PSTPIP2: variants seen among roughly 807,000 people sequenced by gnomAD.
The protein encoded by PSTPIP2 is proline-serine-threonine phosphatase interacting protein 2, also known as proline-serine-threonine phosphatase-interacting protein 2.
PSTPIP2 carries 33 observed loss-of-function variants against 63.3 expected under a neutral mutation model. That is an observed-to-expected ratio of 0.52 (90% CI 0.40 to 0.70). PSTPIP2 has a LOEUF of 0.70. PSTPIP2 is among the 30% of genes least tolerant of loss of function. The probability of loss-of-function intolerance (pLI) is 0.00; values close to 1 mark genes in which losing one functional copy is unlikely to be tolerated. For synonymous variants in PSTPIP2, 125 were observed against 132.7 expected, an observed-to-expected ratio of 0.94 and a Z score of 0.40; for missense variants, 312 against 400.7, an observed-to-expected ratio of 0.78 and a Z score of 1.89.
intron 6 of PSTPIP2, among the ~76,000 whole-genome samples, chr18:46,004,576 A>G (rs1264423635): frequency 6.6e-6 from 1 of 152,242 alleles, no homozygotes; most frequent in Non-Finnish European, 1.5e-5. Context: ...AAAATTGCAA[A>G]TTCTATAAGA....
In PSTPIP2 at chr18:46,017,873, C is replaced by T. The variant is rs538158104; in HGVS notation, c.213-1936G>A. Among the ~76,000 whole-genome samples, 11 of 152,100 alleles carry T rather than the reference C, an allele frequency of 7.2e-5. No homozygotes were observed. The South Asian group carries it at 1.9e-3, about 26-fold the overall frequency. On this transcript the variant is annotated intron_variant, in intron 3 of 14. Transcript: ENST00000409746. ...ATCTCCTGAACTTATTCCTCCTAAC[C>T]GAAATTTTGTATCCTTTGATCAACA...
intron 3 of PSTPIP2, among the ~76,000 whole-genome samples, chr18:46,020,387 G>T (rs1380559643): frequency 6.6e-6 from 1 of 152,202 alleles, no homozygotes; most frequent in Non-Finnish European, 1.5e-5. Flanking sequence ...GGGCGCGGTA[G>T]CTCACGCCTG....
At chr18:46,021,587 T>G (rs1003574905) in intron 3 of PSTPIP2, among the ~76,000 whole-genome samples, 2 of 151,626 alleles carry the variant, frequency 1.3e-5, no homozygotes, top group African/African-American at 4.8e-5. Flanking sequence ...ACTCACACTT[T>G]TAAAATCCAT....
intron 5 of PSTPIP2, among the ~76,000 whole-genome samples, chr18:46,006,149 G>A (rs563005512): frequency 2.6e-5 from 4 of 151,870 alleles, no homozygotes; most frequent in South Asian, 4.2e-4. Flanking sequence ...TGCCTCCTGG[G>A]TTCAAGCAAT....
chr18:46,015,558 C>T (rs994470260), intron 4 of PSTPIP2, among the ~76,000 whole-genome samples: 3 of 152,100 alleles, frequency 2.0e-5, no homozygotes, highest in South Asian at 2.1e-4. Flanking sequence ...CTTGGGAACA[C>T]GAGAGACATG....
rs368078173 is a variant in PSTPIP2, at chr18:45,993,707, C to T, written c.643-4G>A. The T allele has an allele frequency of 3.7e-6, 6 of 1,612,560 alleles. No individual in the cohort carries two copies. In the African/African-American group the frequency reaches 8.0e-5, roughly 22 times the overall value. On this transcript the variant is annotated splice_region_variant and splice_polypyrimidine_tract_variant and intron_variant, in intron 9 of 14. Coordinates refer to ENST00000409746, the MANE Select transcript of PSTPIP2 (RefSeq NM_024430.4). Reference sequence around the variant, plus strand: ...CACATTCTTGAGCCTCAAATGCCTACAGAAAAATAGCTACGTGTACATAGA... The same window carrying T: ...CACATTCTTGAGCCTCAAATGCCTATAGAAAAATAGCTACGTGTACATAGA...
intron 14 of PSTPIP2, among the ~76,000 whole-genome samples, 198 bp downstream of exon 14, chr18:45,988,504 G>A (rs1330790724): frequency 1.3e-5 from 2 of 150,474 alleles, no homozygotes; most frequent in East Asian, 4.0e-4. Flanking sequence ...ATTCAAATAG[G>A]TATGGAGGGG....
intron 9 of PSTPIP2, among the ~76,000 whole-genome samples, chr18:45,995,050 GTTTGT>G (rs894438516): frequency 6.7e-6 from 1 of 149,080 alleles, no homozygotes; most frequent in Non-Finnish European, 1.5e-5. Flanking sequence ...CCTATGCAGG[GTTTGT>G]TTTGTTTTGT....
intron 6 of PSTPIP2, among the ~76,000 whole-genome samples, chr18:46,003,436 T>G (rs758004013): frequency 6.6e-6 from 1 of 152,200 alleles, no homozygotes; most frequent in Non-Finnish European, 1.5e-5. Context: ...TTTGCTGATG[T>G]GTGGAGGTGG....
chr18:45,983,643 C>G lies in PSTPIP2; in HGVS notation c.*1816G>C, dbSNP rs1413461991. On this transcript the variant is annotated 3_prime_UTR_variant, in exon 15 of 15. Coordinates refer to ENST00000409746, the MANE Select transcript of PSTPIP2 (RefSeq NM_024430.4). Reference sequence around the variant, plus strand: ...TTTACATCAACTACACTGACCAATACAGAGAAAAGGGAAATCCCTGAGGAA... The same window carrying G: ...TTTACATCAACTACACTGACCAATAGAGAGAAAAGGGAAATCCCTGAGGAA... 2 of 152,108 alleles carry G rather than the reference C, an allele frequency of 1.3e-5. No individual in the cohort carries two copies. Among genetic ancestry groups the G allele is most frequent in the African/African-American group, 2.4e-5 (1 of 41,430 alleles). The allele number at this position is 152,108 out of a possible 1,614,324, so 9.4% of individuals were successfully genotyped here.
intron 5 of PSTPIP2, among the ~76,000 whole-genome samples, chr18:46,008,135 T>C (rs2051751032): frequency 6.6e-6 from 1 of 152,016 alleles, no homozygotes; most frequent in Non-Finnish European, 1.5e-5. Flanking sequence ...GTTTTATTAC[T>C]GATAACACAA....
intron 2 of PSTPIP2, among the ~76,000 whole-genome samples, chr18:46,034,826 A>G (rs1277110708): frequency 6.6e-6 from 1 of 152,208 alleles, no homozygotes; most frequent in Non-Finnish European, 1.5e-5. Context: ...TTTTTATGAG[A>G]ATTAAATAAT....
chr18:46,040,362 T>C (rs9957804), intron 1 of PSTPIP2: 27,415 of 235,874 alleles, frequency 0.12, 2,234 homozygotes, highest in East Asian at 0.44. Flanking sequence ...TGGTTCCCTA[T>C]AGAAACAAAG....
intron 10 of PSTPIP2, among the ~76,000 whole-genome samples, chr18:45,992,698 G>A (rs2051550154): frequency 6.6e-6 from 1 of 151,668 alleles, no homozygotes; most frequent in Non-Finnish European, 1.5e-5. Context: ...ATGCACATCT[G>A]CTATTAATTT....
intron 1 of PSTPIP2, among the ~76,000 whole-genome samples, chr18:46,068,684 T>C (rs1485990259): frequency 6.6e-6 from 1 of 151,798 alleles, no homozygotes; most frequent in South Asian, 2.1e-4. Context: ...CTGGCCAACA[T>C]AGCAAGACCC....
At chr18:45,996,808 G>T (rs2051600261) in intron 9 of PSTPIP2, among the ~76,000 whole-genome samples, 1 of 152,028 alleles carries the variant, frequency 6.6e-6, no homozygotes, top group Admixed American at 6.6e-5. Flanking sequence ...AAGGCGTGGT[G>T]GTGCACGCCT....
chr18:46,059,541 G>A (rs941070099), intron 1 of PSTPIP2, among the ~76,000 whole-genome samples: 7 of 151,998 alleles, frequency 4.6e-5, no homozygotes, highest in Admixed American at 2.6e-4. Context: ...GAGCCACCGC[G>A]CCTGGTCTTA....
chr18:46,064,282 CTTTTTTTT>C (rs56236802), intron 1 of PSTPIP2, among the ~76,000 whole-genome samples: 15 of 71,540 alleles, frequency 2.1e-4, no homozygotes, highest in Admixed American at 7.5e-4. Context: ...CTTTTTCTTT[CTTTTTTTT>C]TTTTTTTTTT....
intron 1 of PSTPIP2, among the ~76,000 whole-genome samples, chr18:46,059,428 T>C (rs1167444875): frequency 6.6e-6 from 1 of 152,080 alleles, no homozygotes; most frequent in Non-Finnish European, 1.5e-5. Flanking sequence ...TTTGTATTTT[T>C]AGTAAACACA....
Sources: allele counts gnomAD v4.1 joint callset (sites outside exome capture counted in the v4.1 genomes callset), GRCh38; gene constraint gnomAD v4.1.1; transcripts MANE v1.5; gene names NCBI Gene and HGNC (gene_info 2026-07-23, HGNC 2026-07-21).